ATL1: variants seen among roughly 807,000 people sequenced by gnomAD.
ATL1 encodes atlastin-1.
ATL1 carries 31 observed loss-of-function variants against 75.5 expected under a neutral mutation model. The observed-to-expected ratio is 0.41, with a 90% CI of 0.31 to 0.55. The LOEUF (loss-of-function observed/expected upper bound fraction) is 0.55, where lower values mean the gene tolerates loss of function less well. Among genes scored for constraint, ATL1 ranks in the 20% least tolerant of loss-of-function variants. The pLI, the probability that ATL1 is intolerant of heterozygous loss-of-function variation, is 0.27. For synonymous variants in ATL1, 226 were observed against 233.3 expected (o/e 0.97, Z 0.28); for missense variants, 405 against 662.6 (o/e 0.61, Z 4.27).
At chr14:50,589,910 T>A (rs916097551) in intron 2 of ATL1, among the ~76,000 whole-genome samples, 3 of 152,266 alleles carry the variant, frequency 2.0e-5, no homozygotes, top group African/African-American at 7.2e-5. Flanking sequence ...GACAATTATC[T>A]AATGAGATCT....
intron 1 of ATL1, among the ~76,000 whole-genome samples, chr14:50,545,572 A>G (rs1282510337): frequency 6.6e-6 from 1 of 152,204 alleles, no homozygotes; most frequent in African/African-American, 2.4e-5. Context: ...CTAAGATGTT[A>G]AAGTACAATA....
chr14:50,560,476 C>CG, intron 1 of ATL1, 177 bp downstream of exon 1: 1 of 820,336 alleles, frequency 1.2e-6, no homozygotes, highest in Non-Finnish European at 1.9e-6. Context: ...GAGCGGTACC[C>CG]GCGTCACCGA....
At chr14:50,597,187 CGACAGAGCAA>C (rs1255785358) in intron 6 of ATL1, among the ~76,000 whole-genome samples, 1 of 117,356 alleles carries the variant, frequency 8.5e-6, no homozygotes, top group Non-Finnish European at 1.6e-5. Context: ...CTAGCCTGGG[CGACAGAGCAA>C]GACTCTGTCT....
intron 1 of ATL1, among the ~76,000 whole-genome samples, chr14:50,566,002 T>C (rs1358883688): frequency 1.3e-5 from 2 of 152,112 alleles, no homozygotes; most frequent in African/African-American, 4.8e-5. Context: ...TTTGTTTTCT[T>C]TTGTTTTGTT....
intron 1 of ATL1, among the ~76,000 whole-genome samples, chr14:50,584,277 T>G (rs1257273302): frequency 6.6e-6 from 1 of 151,626 alleles, no homozygotes; most frequent in Non-Finnish European, 1.5e-5. Flanking sequence ...ACTCGGGAGG[T>G]TGAGGTGGGA....
intron 8 of ATL1, among the ~76,000 whole-genome samples, chr14:50,617,749 T>A (rs1485369791): frequency 1.3e-5 from 2 of 152,232 alleles, no homozygotes; most frequent in African/African-American, 4.8e-5. Context: ...TATTCATATA[T>A]ATTAATTGAC....
intron 1 of ATL1, among the ~76,000 whole-genome samples, chr14:50,553,047 C>T (rs574629503): frequency 6.6e-6 from 1 of 152,224 alleles, no homozygotes; most frequent in African/African-American, 2.4e-5. Context: ...GTAATCTCAG[C>T]ACTTTGGGAG....
intron 1 of ATL1, among the ~76,000 whole-genome samples, chr14:50,576,149 T>C (rs1449593431): frequency 1.3e-5 from 2 of 152,218 alleles, no homozygotes; most frequent in African/African-American, 4.8e-5. Flanking sequence ...TTACATAAGA[T>C]AGTCAACACT....
chr14:50,600,621 T>C (rs922399599), intron 6 of ATL1, among the ~76,000 whole-genome samples: 1 of 152,146 alleles, frequency 6.6e-6, no homozygotes, highest in African/African-American at 2.4e-5. Flanking sequence ...TAGCAAAAAA[T>C]TGCAAAGTAA....
intron 1 of ATL1, 21 bp downstream of exon 1, chr14:50,560,320 T>A (rs963578529): frequency 1.5e-5 from 24 of 1,613,376 alleles, no homozygotes; most frequent in Non-Finnish European, 1.9e-5. Context: ...AATGAGAACT[T>A]CTGCAGCCTG....
At chr14:50,619,169 C>T (rs2039443116) in intron 8 of ATL1, among the ~76,000 whole-genome samples, 1 of 152,224 alleles carries the variant, frequency 6.6e-6, no homozygotes. Flanking sequence ...TCCCCTGCCT[C>T]AGCCTCCAGA....
chr14:50,594,321 G>A (rs1054320380), intron 5 of ATL1, among the ~76,000 whole-genome samples: 4 of 152,060 alleles, frequency 2.6e-5, no homozygotes, highest in African/African-American at 9.7e-5. Context: ...ACCTTCACCT[G>A]GTCTCTCCCT....
chr14:50,620,629 A>G lies in ATL1; in HGVS notation c.893A>G (p.Lys298Arg). 2.5e-6 allele frequency: 4 copies of G among 1,613,528 alleles called. No homozygotes were observed. Among genetic ancestry groups the G allele is most frequent in the Non-Finnish European group, 3.4e-6 (4 of 1,179,576 alleles). The change falls in exon 9 of 14, where the codon AAA (lysine) becomes AGA (arginine). Residue 298 changes from lysine (K) to arginine (R), a missense_variant. By Grantham distance (26) the Lys-to-Arg change is conservative. Around this residue, in one of 5 missense-constraint regions of ATL1, gnomAD observed 56 missense variants for 66.6 expected, o/e 0.84. Transcript: ENST00000358385. ...GATGATGAATTCATCAAAAACTTGA[A>G]AATACTGATTCCTTGGCTACTTAGT... is the stretch of plus-strand genomic sequence containing the variant. ...EIDDEFIKNL[K>R]ILIPWLLSPE...
chr14:50,555,105 C>A (rs973049341), intron 1 of ATL1, among the ~76,000 whole-genome samples: 1 of 152,020 alleles, frequency 6.6e-6, no homozygotes, highest in Non-Finnish European at 1.5e-5. Flanking sequence ...TGGGTTGTAC[C>A]CTTAGAGAGA....
chr14:50,582,866 A>G (rs529454858), intron 1 of ATL1, among the ~76,000 whole-genome samples: 3 of 152,208 alleles, frequency 2.0e-5, no homozygotes, highest in Non-Finnish European at 2.9e-5. Context: ...TGAATCCAAC[A>G]TTATACTATA....
chr14:50,573,957 C>A (rs2038978064), intron 1 of ATL1, among the ~76,000 whole-genome samples: 2 of 152,114 alleles, frequency 1.3e-5, no homozygotes, highest in East Asian at 1.9e-4. Flanking sequence ...AATGTAGATG[C>A]TTTATGTTTC....
chr14:50,624,721 CAATT>C (rs1433365070), intron 11 of ATL1, among the ~76,000 whole-genome samples: 2 of 151,982 alleles, frequency 1.3e-5, no homozygotes, highest in Non-Finnish European at 2.9e-5. Flanking sequence ...GCCTTTGCAC[CAATT>C]AGTTAGCCAG....
At chr14:50,605,198 C>A (rs1488813072) in intron 6 of ATL1, among the ~76,000 whole-genome samples, 2 of 150,954 alleles carry the variant, frequency 1.3e-5, no homozygotes, top group African/African-American at 4.9e-5. Context: ...GTAAATCATA[C>A]GTATTATAGG....
intron 1 of ATL1, among the ~76,000 whole-genome samples, chr14:50,554,074 A>G (rs1160806906): frequency 2.6e-5 from 4 of 152,030 alleles, no homozygotes; most frequent in African/African-American, 9.7e-5. Context: ...AACAAAAAAA[A>G]TCTGTTCCCC....
Sources: allele counts gnomAD v4.1 joint callset (sites outside exome capture counted in the v4.1 genomes callset), GRCh38; gene constraint gnomAD v4.1.1; regional missense constraint gnomAD v4.1.1; transcripts MANE v1.5; gene names NCBI Gene and HGNC (gene_info 2026-07-23, HGNC 2026-07-21).